GCA: variants seen among roughly 807,000 people sequenced by gnomAD.
The protein encoded by GCA is grancalcin, EF-hand calcium-binding protein.
GCA carries 30 observed loss-of-function variants against 32.6 expected under a neutral mutation model. The observed-to-expected ratio is 0.92, with a 90% CI of 0.69 to 1.25. The LOEUF is 1.25. GCA is among the 50% of genes most tolerant of loss of function. GCA has a pLI of 0.00. For missense variants in GCA, 291 were observed against 266.8 expected, an observed-to-expected ratio of 1.09 and a Z score of -0.63; for synonymous variants, 102 against 84.6, an observed-to-expected ratio of 1.21 and a Z score of -1.13.
chr2:162,330,123 T>G (rs1241623754), intron 1 of GCA, among the ~76,000 whole-genome samples: 1 of 152,232 alleles, frequency 6.6e-6, no homozygotes, highest in East Asian at 1.9e-4. Flanking sequence ...TGAATAGTGC[T>G]GCAATGAATG....
intron 5 of GCA, among the ~76,000 whole-genome samples, chr2:162,358,680 TC>T (rs1318819209): frequency 8.6e-5 from 13 of 151,584 alleles, no homozygotes; most frequent in Admixed American, 7.9e-4. Context: ...TCATTAGTAA[TC>T]TTTGCATTTA....
chr2:162,343,877 C>A (rs985758923), upstream of GCA, among the ~76,000 whole-genome samples: 1 of 152,150 alleles, frequency 6.6e-6, no homozygotes, highest in Non-Finnish European at 1.5e-5. Flanking sequence ...AATTCCGTTG[C>A]AGCAGCCAAG....
upstream of GCA, among the ~76,000 whole-genome samples, chr2:162,343,094 A>G (rs1329119818): frequency 1.3e-5 from 2 of 152,242 alleles, no homozygotes; most frequent in Non-Finnish European, 2.9e-5. Flanking sequence ...TGAACAACAG[A>G]TACTCAGCTC....
chr2:162,350,663 C>T (rs1311189537), intron 2 of GCA, among the ~76,000 whole-genome samples: 1 of 152,070 alleles, frequency 6.6e-6, no homozygotes, highest in Non-Finnish European at 1.5e-5. Context: ...TTTTTGACTG[C>T]TGAACTATTT....
At chr2:162,364,459 T>C (rs1325952149), downstream of GCA, among the ~76,000 whole-genome samples, 6 of 151,680 alleles carry the variant, frequency 4.0e-5, no homozygotes, top group Admixed American at 6.6e-5. Flanking sequence ...TTCTAAAATA[T>C]GTAGTTTCTT....
At chr2:162,356,352 G>C (rs878934068) in intron 3 of GCA, 86 bp from the exon 4 acceptor site, 7 of 795,480 alleles carry the variant, frequency 8.8e-6, no homozygotes, top group Middle Eastern at 2.4e-4. Flanking sequence ...GTTTTTTAAT[G>C]TTTTATTTTG....
chr2:162,365,478 G>C (rs946531804), downstream of GCA, among the ~76,000 whole-genome samples: 3 of 151,520 alleles, frequency 2.0e-5, no homozygotes, highest in Non-Finnish European at 4.4e-5. Context: ...AAAGCGTTAT[G>C]ATTTCATGCT....
At chr2:162,356,688 GT>G (rs1278141757) in intron 4 of GCA, 69 bp from the exon 5 acceptor site, 1 of 1,216,040 alleles carries the variant, frequency 8.2e-7, no homozygotes, top group African/African-American at 1.5e-5. Context: ...GCATACTCAT[GT>G]TTTAGTCAAT....
intron 1 of GCA, among the ~76,000 whole-genome samples, chr2:162,333,340 C>T (rs1558886903): frequency 2.0e-5 from 3 of 152,038 alleles, no homozygotes; most frequent in Admixed American, 1.3e-4. Flanking sequence ...TAAATGTATA[C>T]TGCATATTAA....
At chr2:162,326,900 C>T (rs1164373695) in intron 1 of GCA, among the ~76,000 whole-genome samples, 1 of 152,212 alleles carries the variant, frequency 6.6e-6, no homozygotes, top group East Asian at 1.9e-4. Context: ...CACCCCTTAT[C>T]CCTGAGCCCC....
chr2:162,335,841 C>T (rs535034282), intron 1 of GCA, among the ~76,000 whole-genome samples: 2 of 152,290 alleles, frequency 1.3e-5, no homozygotes, highest in Admixed American at 1.3e-4. Flanking sequence ...ATTTATTGCA[C>T]AGTTTCTTCC....
At chr2:162,325,236 G>A (rs550484337) in intron 1 of GCA, among the ~76,000 whole-genome samples, 1 of 152,278 alleles carries the variant, frequency 6.6e-6, no homozygotes, top group African/African-American at 2.4e-5. Context: ...GGTGCACCCT[G>A]GGAATTCTGG....
At position 162,347,640 on chromosome 2, in the gene GCA, C is replaced by A. The variant is rs199698433; in HGVS notation, c.90C>A (p.Gly30=). Residue 30 remains glycine, a synonymous_variant, in exon 2 of 8, where the codon GGC becomes GGA. Transcript: ENST00000437150. The stretch of plus-strand genomic sequence containing the variant: ...TGGGACAGCCAGTGCCAGAAACAGG[C>A]CCAGCTATACTCCTCGATGGATACT... The part of the protein sequence containing the change: ...MQMGQPVPET[G]PAILLDGYSG... 36 of 1,609,990 alleles carry A rather than the reference C, an allele frequency of 2.2e-5. No homozygotes were observed. Among genetic ancestry groups the A allele is most frequent in the Admixed American group, 1.8e-4 (11 of 59,876 alleles).
At position 162,352,402 on chromosome 2, in the gene GCA, A is replaced by G. The variant is rs758193923; in HGVS notation, c.257A>G (p.Tyr86Cys). The G allele has an allele frequency of 6.4e-7, 1 of 1,552,136 alleles. No individual in the cohort carries two copies. Among genetic ancestry groups the G allele is most frequent in the Non-Finnish European group, 8.9e-7 (1 of 1,124,424 alleles). ...ACACAGTCTGGAATTAATGGAACTT[A>G]CTCTCGTGAGATCTTTTTTCCCCTT... Reference protein sequence around the residue: ...CLTQSGINGTYSPFSLETCRI... With the variant: ...CLTQSGINGTCSPFSLETCRI... Residue 86 changes from tyrosine to cysteine, a missense_variant, in exon 3 of 8, where the codon TAC becomes TGC. Coordinates refer to ENST00000437150, the MANE Select transcript of GCA (RefSeq NM_012198.5).
intron 3 of GCA, 34 bp from the exon 4 acceptor site, chr2:162,356,404 A>T (rs756134328): frequency 1.6e-6 from 2 of 1,266,480 alleles, no homozygotes; most frequent in East Asian, 4.6e-5. Flanking sequence ...AAAGTTGGGC[A>T]TACTCTAATT....
At chr2:162,334,528 T>G (rs184471037) in intron 1 of GCA, among the ~76,000 whole-genome samples, 26 of 152,256 alleles carry the variant, frequency 1.7e-4, no homozygotes, top group Admixed American at 1.2e-3. Flanking sequence ...CAAGGTAACA[T>G]GTATTGAGGA....
chr2:162,359,479 T>A lies in GCA; in HGVS notation c.569-15T>A, dbSNP rs747796095. ...ATTTTAAATTACAATAAAAAAGTAA[T>A]TTCTTTGTTTAAAGATTTCTTTAGG... On this transcript the variant is annotated splice_polypyrimidine_tract_variant and intron_variant, in intron 6 of 7. Coordinates refer to ENST00000437150, the MANE Select transcript of GCA (RefSeq NM_012198.5). The A allele has an allele frequency of 3.0e-6, 4 of 1,347,258 alleles. No homozygotes were observed. Among genetic ancestry groups the A allele is most frequent in the Non-Finnish European group, 4.2e-6 (4 of 956,458 alleles). 83.5% of individuals were successfully genotyped at this position (1,347,258 alleles called of 1,614,324 possible). A position where few individuals can be genotyped will look rare whatever the true frequency, so the allele number is the denominator to read the frequency against.
intron 1 of GCA, among the ~76,000 whole-genome samples, chr2:162,334,753 TAGA>T (rs1382188324): frequency 6.6e-6 from 1 of 152,146 alleles, no homozygotes; most frequent in Non-Finnish European, 1.5e-5. Context: ...AATAGTAGTG[TAGA>T]GCTTGGCACA....
chr2:162,335,617 C>T (rs1024920291), intron 1 of GCA, among the ~76,000 whole-genome samples: 8 of 152,034 alleles, frequency 5.3e-5, no homozygotes, highest in Admixed American at 4.6e-4. Context: ...CTAAAGCTAG[C>T]CCAGGACTTT....
Sources: allele counts gnomAD v4.1 joint callset (sites outside exome capture counted in the v4.1 genomes callset), GRCh38; gene constraint gnomAD v4.1.1; transcripts MANE v1.5; gene names NCBI Gene and HGNC (gene_info 2026-07-23, HGNC 2026-07-21).